TIMP3: variants seen among roughly 807,000 people sequenced by gnomAD.
TIMP3 encodes metalloproteinase inhibitor 3.
Under a neutral mutation model 30.0 loss-of-function variants are expected in TIMP3, and 11 were observed. The observed-to-expected ratio is 0.37, with a 90% CI of 0.23 to 0.61. The LOEUF (loss-of-function observed/expected upper bound fraction) is 0.61. Among genes scored for constraint, TIMP3 ranks in the 20% least tolerant of loss-of-function variants. The pLI, the probability that TIMP3 is intolerant of heterozygous loss-of-function variation, is 0.70. For synonymous variants in TIMP3, 112 were observed against 111.3 expected, an observed-to-expected ratio of 1.01 and a Z score of -0.04; for missense variants, 181 against 276.8, an observed-to-expected ratio of 0.65 and a Z score of 2.45.
intron 1 of TIMP3, among the ~76,000 whole-genome samples, chr22:32,814,107 CGTGTGTGTGT>C (rs130279): frequency 0.2 from 19,008 of 97,414 alleles, 2,136 homozygotes; most frequent in East Asian, 0.35. Context: ...AGGCAATACT[CGTGTGTGTGT>C]GTGTGTGTGT....
intron 1 of TIMP3, among the ~76,000 whole-genome samples, chr22:32,836,773 T>C (rs2146169061): frequency 6.6e-6 from 1 of 152,306 alleles, no homozygotes; most frequent in Non-Finnish European, 1.5e-5. Context: ...AGAATGAAGC[T>C]TGTGGAACTT....
intron 1 of TIMP3, among the ~76,000 whole-genome samples, chr22:32,847,563 CAG>C (rs1452234760): frequency 6.6e-6 from 1 of 152,172 alleles, no homozygotes; most frequent in East Asian, 1.9e-4. Flanking sequence ...AGAAACAAGA[CAG>C]AATCCAGTAT....
chr22:32,855,046 G>A (rs2267183), intron 2 of TIMP3, among the ~76,000 whole-genome samples: 76,131 of 152,086 alleles, frequency 0.5, 19,755 homozygotes, highest in African/African-American at 0.62. Context: ...AATTACTGTA[G>A]GTAAATTAAT....
At chr22:32,807,952 A>G (rs1326975588) in intron 1 of TIMP3, among the ~76,000 whole-genome samples, 1 of 152,066 alleles carries the variant, frequency 6.6e-6, no homozygotes, top group East Asian at 1.9e-4. Context: ...ACAATTTATA[A>G]TTTTTATTGA....
intron 1 of TIMP3, among the ~76,000 whole-genome samples, chr22:32,827,108 A>G (rs1439944134): frequency 6.6e-6 from 1 of 152,224 alleles, no homozygotes; most frequent in Non-Finnish European, 1.5e-5. Context: ...TCCCCGAGTG[A>G]ATAAATCTCC....
chr22:32,830,526 C>T (rs2047541233), intron 1 of TIMP3, among the ~76,000 whole-genome samples: 1 of 152,188 alleles, frequency 6.6e-6, no homozygotes, highest in Non-Finnish European at 1.5e-5. Context: ...AATCCTGGAA[C>T]GGAAGCTCTT....
intron 1 of TIMP3, among the ~76,000 whole-genome samples, chr22:32,807,361 T>TATAATATATAAATATATAATATATA (rs1569239658): frequency 1.4e-4 from 15 of 110,934 alleles, no homozygotes; most frequent in South Asian, 2.4e-4. Context: ...ATATAATATA[T>TATAATATATAAATATATAATATATA]AATATATATT....
intron 1 of TIMP3, among the ~76,000 whole-genome samples, chr22:32,831,578 A>G (rs919438645): frequency 2.0e-5 from 3 of 152,196 alleles, no homozygotes; most frequent in Admixed American, 6.5e-5. Context: ...ACCAAGGACT[A>G]GCATATAATT....
Position 32,862,919 on chromosome 22 carries a change from C to T in TIMP3, c.*3542C>T, listed in dbSNP as rs554108736. ...ATTTCGTAGCACTGTTTACAGTTTT[C>T]CTCCATGTTATTTATGAATTTTATA... On this transcript the variant is annotated 3_prime_UTR_variant, in exon 5 of 5. Transcript: ENST00000266085. 3.3e-5 allele frequency: 5 copies of T among 152,740 alleles called. No individual in the cohort carries two copies. The highest frequency in any genetic ancestry group is 1.2e-4 in the African/African-American group (5 of 41,558). The allele number at this position is 152,740 out of a possible 1,614,324, so 9.5% of individuals were successfully genotyped here. A position where few individuals can be genotyped will look rare whatever the true frequency, so the allele number is the denominator to read the frequency against.
At chr22:32,832,765 G>A (rs940423578) in intron 1 of TIMP3, among the ~76,000 whole-genome samples, 1 of 151,926 alleles carries the variant, frequency 6.6e-6, no homozygotes, top group African/African-American at 2.4e-5. Flanking sequence ...GTCTCACTCT[G>A]TCGTTCAGCT....
At chr22:32,834,738 T>G (rs943650764) in intron 1 of TIMP3, among the ~76,000 whole-genome samples, 1 of 152,156 alleles carries the variant, frequency 6.6e-6, no homozygotes, top group Non-Finnish European at 1.5e-5. Context: ...AGAGGTGCAC[T>G]CCGGGTGGCC....
intron 1 of TIMP3, among the ~76,000 whole-genome samples, chr22:32,816,321 C>T (rs2047087706): frequency 6.6e-6 from 1 of 152,150 alleles, no homozygotes; most frequent in Admixed American, 6.5e-5. Flanking sequence ...GGGCCACACA[C>T]TCAGTAGGTG....
chr22:32,804,781 C>A (rs1057491948), intron 1 of TIMP3, among the ~76,000 whole-genome samples: 1 of 152,154 alleles, frequency 6.6e-6, no homozygotes, highest in East Asian at 1.9e-4. Context: ...AACTACATGC[C>A]GGCTTATAAG....
rs77005130 is a variant in TIMP3 at position 32,854,654 on chromosome 22, C to A, written c.205-2595C>A. ...CGCTTAAACATGGTTCCTGTTAAGG[C>A]TAGAGAGGCACCATTCACATAGAAG... On this transcript the variant is annotated intron_variant, in intron 2 of 4. Transcript: ENST00000266085. Among the ~76,000 whole-genome samples, 1,082 of 152,284 alleles carry A rather than the reference C, an allele frequency of 7.1e-3. 6 individuals carry two copies. The highest frequency in any genetic ancestry group is 0.014 in the African/African-American group (570 of 41,556).
chr22:32,817,903 C>G (rs2047129876), intron 1 of TIMP3, among the ~76,000 whole-genome samples: 1 of 152,176 alleles, frequency 6.6e-6, no homozygotes, highest in Non-Finnish European at 1.5e-5. Flanking sequence ...GGCCAGATCT[C>G]TCCCCTCTCT....
At position 32,821,961 on chromosome 22, in the gene TIMP3, G is replaced by A. The variant is rs1423417801; in HGVS notation, c.121+19839G>A. On this transcript the variant is annotated intron_variant, in intron 1 of 4. Coordinates refer to ENST00000266085, the MANE Select transcript of TIMP3 (RefSeq NM_000362.5). ...ACCTGAGGTCGGGAGTTCGAGACCA[G>A]CCTGACCAACATGGAGAAACCCCAT... 2.6e-5 allele frequency among the ~76,000 whole-genome samples: 4 copies of A among 152,102 alleles called. No individual in the cohort carries two copies. The East Asian group carries it at 5.8e-4, about 22-fold the overall frequency.
intron 1 of TIMP3, among the ~76,000 whole-genome samples, chr22:32,836,965 C>T (rs149193752): frequency 6.6e-6 from 1 of 152,332 alleles, no homozygotes; most frequent in African/African-American, 2.4e-5. Context: ...GATTTGCTGT[C>T]TGCAAAGGCT....
intron 1 of TIMP3, among the ~76,000 whole-genome samples, chr22:32,830,230 C>T (rs1569258408): frequency 2.0e-5 from 3 of 152,136 alleles, no homozygotes; most frequent in African/African-American, 4.8e-5. Context: ...GGAAAGGGGG[C>T]CTCTCACAAA....
rs1013312935 is a variant in TIMP3 at position 32,821,681 on chromosome 22, G to T, written c.121+19559G>T. Among the ~76,000 whole-genome samples, 8 of 152,256 alleles carry T rather than the reference G, an allele frequency of 5.3e-5. No individual in the cohort carries two copies. The East Asian group carries it at 1.4e-3, about 26-fold the overall frequency. ...TTTCCCAATATCTCACAGCAGGTGGGGAGTGGGGGAAAGCAGCTTCCAGGG... is the reference window on the plus strand; with the variant it reads ...TTTCCCAATATCTCACAGCAGGTGGTGAGTGGGGGAAAGCAGCTTCCAGGG... On this transcript the variant is annotated intron_variant, in intron 1 of 4. Transcript: ENST00000266085.
Sources: gnomAD v4.1 joint callset for allele counts (sites outside exome capture counted in the v4.1 genomes callset) on GRCh38, gnomAD v4.1.1 for gene constraint, MANE v1.5 for transcripts, NCBI Gene and HGNC (gene_info 2026-07-23, HGNC 2026-07-21) for gene names.